Variants in SV2C observed in about 807,000 individuals in gnomAD.
SV2C encodes the protein synaptic vesicle glycoprotein 2C, also known as solute carrier family 22 member B3.
SV2C carries 49 observed loss-of-function variants against 79.7 expected under a neutral mutation model. That is an observed-to-expected ratio of 0.61 (90% confidence interval 0.49 to 0.78). The LOEUF is 0.78. Among genes scored for constraint, SV2C ranks in the 30% least tolerant of loss-of-function variants. The pLI, the probability that SV2C is intolerant of heterozygous loss-of-function variation, is 0.00. For synonymous variants in SV2C, 334 were observed against 333.2 expected (o/e 1.00, Z -0.03); for missense variants, 833 against 912.9 (o/e 0.91, Z 1.13).
At chr5:76,113,388 T>C (rs899053018) in intron 1 of SV2C, among the ~76,000 whole-genome samples, 1 of 152,258 alleles carries the variant, frequency 6.6e-6, no homozygotes, top group Non-Finnish European at 1.5e-5. Context: ...TACACCCTTC[T>C]GTGGAGCAGG....
the SV2C span, among the ~76,000 whole-genome samples, chr5:76,019,632 A>G: frequency 2.6e-5 from 4 of 152,098 alleles, no homozygotes; most frequent in Non-Finnish European, 5.9e-5. Flanking sequence ...TCCTTATTCT[A>G]TAAATTGGGC....
chr5:76,326,244 G>A lies in SV2C; in HGVS notation c.*697G>A, dbSNP rs961091087. ...AACCTCTGAAAAGTGTGAGGAAAAA[G>A]AACTGTAACAGTATCTGTGACTGTG... On this transcript the variant is annotated 3_prime_UTR_variant, in exon 13 of 13. Transcript: ENST00000502798. The A allele has an allele frequency of 6.6e-6, 1 of 152,210 alleles. No homozygotes were observed. Among genetic ancestry groups the A allele is most frequent in the Non-Finnish European group, 1.5e-5 (1 of 68,032 alleles). 9.4% of individuals were successfully genotyped at this position (152,210 alleles called of 1,614,324 possible).
In SV2C at chr5:76,264,628, C is replaced by A. The variant is rs555761050; in HGVS notation, c.914-20534C>A. Among the ~76,000 whole-genome samples the A allele has an allele frequency of 2.6e-5, 4 of 152,262 alleles. No individual in the cohort carries two copies. In the South Asian group the frequency reaches 8.3e-4, roughly 32 times the overall value. On this transcript the variant is annotated intron_variant, in intron 4 of 12. Transcript: ENST00000502798. Reference sequence around the variant, plus strand: ...TTGAATGGGGTTTCTGTGTGGGAGTCCTTTTTGTTGACATTGATGTTACTG... The same window carrying A: ...TTGAATGGGGTTTCTGTGTGGGAGTACTTTTTGTTGACATTGATGTTACTG...
At chr5:76,197,570 A>G (rs1744304394) in intron 3 of SV2C, among the ~76,000 whole-genome samples, 1 of 152,092 alleles carries the variant, frequency 6.6e-6, no homozygotes, top group Admixed American at 6.6e-5. Context: ...ATCTCTGCAG[A>G]GTTTTGTGGG....
chr5:76,083,253 G>T, upstream of SV2C: 1 of 152,566 alleles, frequency 6.6e-6, no homozygotes. Flanking sequence ...TGGTACTCTC[G>T]CCACGCCGCC....
chr5:76,305,773 A>C (rs1258611610), intron 12 of SV2C, among the ~76,000 whole-genome samples: 1 of 152,244 alleles, frequency 6.6e-6, no homozygotes, highest in African/African-American at 2.4e-5. Context: ...TCAAAACCTC[A>C]GTATCAAAAA....
chr5:76,194,634 T>A (rs1014412769), intron 2 of SV2C, among the ~76,000 whole-genome samples: 1 of 152,194 alleles, frequency 6.6e-6, no homozygotes, highest in Non-Finnish European at 1.5e-5. Flanking sequence ...ATTTTACAAT[T>A]GCTCACAACA....
At chr5:76,237,159 G>A (rs950652613) in intron 4 of SV2C, among the ~76,000 whole-genome samples, 5 of 152,148 alleles carry the variant, frequency 3.3e-5, no homozygotes, top group African/African-American at 1.2e-4. Context: ...ATAGCAGTGT[G>A]AGAATGGAAA....
chr5:76,300,924 C>T lies in SV2C; in HGVS notation c.1832C>T (p.Thr611Ile). 1 of 1,614,086 alleles carries T rather than the reference C, an allele frequency of 6.2e-7. No individual in the cohort carries two copies. The highest frequency in any genetic ancestry group is 1.1e-5 in the South Asian group (1 of 91,072). Residue 611 changes from threonine to isoleucine, a missense_variant, in exon 11 of 13, where the codon ACA becomes ATA. Thr to Ile is a moderately conservative substitution (Grantham distance 89). Coordinates refer to ENST00000502798, the MANE Select transcript of SV2C (RefSeq NM_014979.4). ...CTGATGGACAGAATTGGGCGCTTAA[C>T]AATGCTAGGTATGTACTCAGTTTCA... ...ALLMDRIGRL[T>I]MLGGSMVLSG...
the SV2C span, among the ~76,000 whole-genome samples, chr5:75,963,826 A>T: frequency 6.6e-6 from 1 of 151,912 alleles, no homozygotes; most frequent in Non-Finnish European, 1.5e-5. Flanking sequence ...AAGTTACTCT[A>T]TGTCTCTTAG....
chr5:75,878,490 A>G, the SV2C span, among the ~76,000 whole-genome samples: 1 of 152,204 alleles, frequency 6.6e-6, no homozygotes, highest in Non-Finnish European at 1.5e-5. Flanking sequence ...AATGGTAGGA[A>G]TAATTGGCAA....
chr5:76,098,824 C>T (rs974641173), intron 1 of SV2C, among the ~76,000 whole-genome samples: 5 of 152,152 alleles, frequency 3.3e-5, no homozygotes, highest in Admixed American at 2.0e-4. Flanking sequence ...CATCTTATAC[C>T]TGTACCTTTA....
At chr5:75,883,084 G>GA in the SV2C span, among the ~76,000 whole-genome samples, 4 of 145,182 alleles carry the variant, frequency 2.8e-5, no homozygotes, top group African/African-American at 1.1e-4. Flanking sequence ...AAAAACACAT[G>GA]AAAAAATGCT....
chr5:75,864,893 G>A, the SV2C span, among the ~76,000 whole-genome samples: 5 of 151,254 alleles, frequency 3.3e-5, no homozygotes, highest in African/African-American at 4.9e-5. Context: ...CTTTGAGTGG[G>A]AGTAGAGCAG....
the SV2C span, among the ~76,000 whole-genome samples, chr5:75,856,137 G>T: frequency 2.0e-5 from 3 of 152,108 alleles, no homozygotes; most frequent in Admixed American, 2.0e-4. Flanking sequence ...TCTTTTTGGG[G>T]CTGAATAGTA....
chr5:76,258,979 G>T (rs866670840), intron 4 of SV2C, among the ~76,000 whole-genome samples: 2 of 152,290 alleles, frequency 1.3e-5, no homozygotes, highest in Non-Finnish European at 1.5e-5. Flanking sequence ...TGGCTCTGTA[G>T]TTTGTTCCTT....
intron 3 of SV2C, among the ~76,000 whole-genome samples, chr5:76,208,662 A>G (rs1465752304): frequency 6.6e-6 from 1 of 152,250 alleles, no homozygotes; most frequent in Non-Finnish European, 1.5e-5. Context: ...CCTTGACATC[A>G]AATTTGCATG....
chr5:75,965,410 G>C, the SV2C span, among the ~76,000 whole-genome samples: 1 of 152,166 alleles, frequency 6.6e-6, no homozygotes, highest in Non-Finnish European at 1.5e-5. Context: ...TCATTAGGGC[G>C]AGTCATTGTG....
At chr5:75,921,210 C>G in the SV2C span, 1 of 1,100,892 alleles carries the variant, frequency 9.1e-7, no homozygotes, top group Non-Finnish European at 1.4e-6. Flanking sequence ...GGGCCAGCAG[C>G]CGAGATGTGG....
Sources: gnomAD v4.1 joint callset for allele counts (sites outside exome capture counted in the v4.1 genomes callset) on GRCh38, gnomAD v4.1.1 for gene constraint, MANE v1.5 for transcripts, NCBI Gene and HGNC (gene_info 2026-07-23, HGNC 2026-07-21) for gene names.